CLTB: variants seen among roughly 807,000 people sequenced by gnomAD.
CLTB encodes clathrin, light chain (Lcb).
CLTB carries 10 observed loss-of-function variants against 30.5 expected under a neutral mutation model. That is an observed-to-expected ratio of 0.33 (90% CI 0.20 to 0.56). The LOEUF (loss-of-function observed/expected upper bound fraction) is 0.56. CLTB is among the 20% of genes least tolerant of loss of function. The probability of loss-of-function intolerance (pLI) is 0.91; values close to 1 mark genes in which losing one functional copy is unlikely to be tolerated. For missense variants in CLTB, 261 were observed against 308.3 expected, an observed-to-expected ratio of 0.85 and a Z score of 1.15; for synonymous variants, 102 against 120.3, an observed-to-expected ratio of 0.85 and a Z score of 1.00.
intron 2 of CLTB, among the ~76,000 whole-genome samples, chr5:176,400,350 CTACTAT>C (rs1699168491): frequency 6.6e-6 from 1 of 152,116 alleles, no homozygotes; most frequent in African/African-American, 2.4e-5. Context: ...GCTAGAATTA[CTACTAT>C]TATTATTCAT....
chr5:176,403,686 T>C (rs550286316), intron 2 of CLTB, among the ~76,000 whole-genome samples: 1 of 148,512 alleles, frequency 6.7e-6, no homozygotes, highest in East Asian at 2.1e-4. Context: ...ACTCCTGACC[T>C]TGTGATCCAC....
chr5:176,406,284 G>A (rs911831497), intron 2 of CLTB: 1 of 1,055,790 alleles, frequency 9.5e-7, no homozygotes, highest in Non-Finnish European at 1.1e-6. Context: ...GAATGGCCAG[G>A]ACCAGAAGGC....
chr5:176,399,396 T>C (rs914342790), intron 2 of CLTB, among the ~76,000 whole-genome samples: 1 of 152,154 alleles, frequency 6.6e-6, no homozygotes, highest in African/African-American at 2.4e-5. Flanking sequence ...CTATGAAATG[T>C]TTGTAAGGCC....
chr5:176,405,489 CAAAAAAAAAAA>C (rs988554368), intron 2 of CLTB: 2 of 52,240 alleles, frequency 3.8e-5, no homozygotes, highest in African/African-American at 1.7e-4. Flanking sequence ...CCCTGTCTCT[CAAAAAAAAAAA>C]AAAAAAAAGA....
At chr5:176,410,743 A>G (rs1757385793) in intron 1 of CLTB, among the ~76,000 whole-genome samples, 1 of 148,008 alleles carries the variant, frequency 6.8e-6, no homozygotes, top group Non-Finnish European at 1.5e-5. Flanking sequence ...CTGGATAAGG[A>G]AGAGAGGGGC....
chr5:176,395,910 G>T (rs1224461676), intron 5 of CLTB, among the ~76,000 whole-genome samples: 1 of 152,162 alleles, frequency 6.6e-6, no homozygotes. Flanking sequence ...CGAGGTGGGT[G>T]GATCACCTGA....
intron 2 of CLTB, chr5:176,406,811 G>T: frequency 1.2e-6 from 1 of 854,320 alleles, no homozygotes; most frequent in Non-Finnish European, 1.6e-6. Flanking sequence ...GCAGGTGCAG[G>T]CCAGACCTGC....
chr5:176,404,022 T>C (rs1293257373), intron 2 of CLTB, among the ~76,000 whole-genome samples: 1 of 152,230 alleles, frequency 6.6e-6, no homozygotes, highest in Admixed American at 6.5e-5. Context: ...CCCAAAGTGC[T>C]GGGATTACAG....
At chr5:176,408,612 C>A (rs936006294) in intron 2 of CLTB, among the ~76,000 whole-genome samples, 4 of 152,120 alleles carry the variant, frequency 2.6e-5, no homozygotes, top group Admixed American at 2.6e-4. Flanking sequence ...CTGGACCTCC[C>A]CAGCTCAAGC....
chr5:176,394,566 C>T (rs538675523), intron 5 of CLTB, among the ~76,000 whole-genome samples: 3 of 151,764 alleles, frequency 2.0e-5, no homozygotes, highest in South Asian at 2.1e-4. Flanking sequence ...GCCTGTAATC[C>T]CAGCACTTTG....
chr5:176,406,120 A>G lies in CLTB; in HGVS notation c.234+4137T>C, dbSNP rs1354454208. 1.3e-5 allele frequency: 13 copies of G among 979,024 alleles called. No homozygotes were observed. The South Asian group carries it at 4.7e-4, about 36-fold the overall frequency. The allele number at this position is 979,024 out of a possible 1,614,324, so 60.6% of individuals were successfully genotyped here. ...CCCCACCCCTACCCTTGCCAGTGAC[A>G]GTGTCACGGGCCACAACTGGGCTCT... On this transcript the variant is annotated intron_variant, in intron 2 of 5. Coordinates refer to ENST00000310418, the MANE Select transcript of CLTB (RefSeq NM_007097.5).
intron 1 of CLTB, among the ~76,000 whole-genome samples, chr5:176,413,821 C>T (rs1561802827): frequency 6.6e-6 from 1 of 152,230 alleles, no homozygotes; most frequent in Non-Finnish European, 1.5e-5. Context: ...CCCTGCTCCC[C>T]GATCCAACTA....
Position 176,396,538 on chromosome 5 carries a change from G to A in CLTB, c.465-6C>T. 1 of 1,612,364 alleles carries A rather than the reference G, an allele frequency of 6.2e-7. No individual in the cohort carries two copies. Among genetic ancestry groups the A allele is most frequent in the Admixed American group, 1.7e-5 (1 of 59,902 alleles). On this transcript the variant is annotated splice_polypyrimidine_tract_variant and splice_region_variant and intron_variant, in intron 4 of 5. Transcript: ENST00000310418. The stretch of plus-strand genomic sequence containing the variant: ...AGAATGCTTTGTCAGCGATCCTTGA[G>A]GGAAAGGTTGAGGGAAGGGGTTAGG...
At chr5:176,410,213 A>G in intron 2 of CLTB, 44 bp downstream of exon 2, 2 of 1,567,138 alleles carry the variant, frequency 1.3e-6, no homozygotes, top group South Asian at 1.1e-5. Flanking sequence ...TACTGAGACC[A>G]GGGCTGTTGG....
intron 2 of CLTB, among the ~76,000 whole-genome samples, chr5:176,399,419 C>T (rs576048291): frequency 9.2e-5 from 14 of 152,190 alleles, no homozygotes; most frequent in Non-Finnish European, 2.1e-4. Context: ...GGAGAAATTG[C>T]TTAACCTTGC....
rs1396969347 is a variant in CLTB, at chr5:176,416,189, G to A, written c.175C>T (p.Pro59Ser). ...GSHAAPAQPG[P>S]TSGAGSEDMG... is the part of the protein sequence containing the mutation. Reference sequence around the variant, plus strand: ...CGCGCTGACTCACCCCCACTCGTGGGGCCCGGCTGCGCGGGGGCCGCATGG... The same window carrying A: ...CGCGCTGACTCACCCCCACTCGTGGAGCCCGGCTGCGCGGGGGCCGCATGG... The change falls in exon 1 of 6, where the codon CCC becomes TCC. Residue 59 changes from proline (P) to serine (S), a missense_variant. Pro to Ser is a moderately conservative substitution (Grantham distance 74). Around this residue, in one of 3 missense-constraint regions of CLTB, gnomAD observed 113 missense variants for 102.5 expected, o/e 1.10. Transcript: ENST00000310418. 1.9e-6 allele frequency: 3 copies of A among 1,583,790 alleles called. No individual in the cohort carries two copies. The highest frequency in any genetic ancestry group is 1.4e-5 in the African/African-American group (1 of 71,650).
Position 176,416,262 on chromosome 5 carries a change from C to G in CLTB, c.102G>C (p.Glu34Asp), listed in dbSNP as rs1364089311. The change falls in exon 1 of 6, where the codon GAG (glutamate) becomes GAC (aspartate). Residue 34 changes from glutamate (E) to aspartate (D), a missense_variant. By Grantham distance (45) the Glu-to-Asp change is conservative. Transcript: ENST00000310418. ...AAAFLAQQES[E>D]IAGIENDEGF... is the part of the protein sequence containing the mutation. Reference sequence around the variant, plus strand: ...CCTCGTCGTTCTCTATGCCTGCAATCTCGCTCTCCTGCTGGGCCAGGAAGG... The same window carrying G: ...CCTCGTCGTTCTCTATGCCTGCAATGTCGCTCTCCTGCTGGGCCAGGAAGG... 6 of 1,604,972 alleles carry G rather than the reference C, an allele frequency of 3.7e-6. No homozygotes were observed. Among genetic ancestry groups the G allele is most frequent in the Non-Finnish European group, 5.1e-6 (6 of 1,177,196 alleles).
intron 1 of CLTB, 96 bp downstream of exon 1, chr5:176,416,081 G>C: frequency 8.6e-7 from 1 of 1,165,736 alleles, no homozygotes; most frequent in Non-Finnish European, 1.1e-6. Context: ...GCCCCGGGTG[G>C]CCTAGAGCAG....
intron 5 of CLTB, 128 bp downstream of exon 5, chr5:176,396,351 C>T: frequency 1.2e-6 from 1 of 852,762 alleles, no homozygotes; most frequent in South Asian, 1.4e-5. Flanking sequence ...AGGGCATTTG[C>T]CTCCTGTTCT....
Sources: gnomAD v4.1 joint callset for allele counts (sites outside exome capture counted in the v4.1 genomes callset) on GRCh38, gnomAD v4.1.1 for gene constraint, gnomAD v4.1.1 regional missense constraint, MANE v1.5 for transcripts, NCBI Gene and HGNC (gene_info 2026-07-23, HGNC 2026-07-21) for gene names.